The following ABCC1 variants were observed in gnomAD, a reference collection of about 807,000 sequenced individuals.
The protein encoded by ABCC1 is multidrug resistance-associated protein 1.
In ABCC1, 83 loss-of-function variants were observed where a neutral mutation model predicts 172.9. That is an observed-to-expected ratio of 0.48 (90% CI 0.40 to 0.58). The LOEUF is 0.58. Among genes scored for constraint, ABCC1 ranks in the 20% least tolerant of loss-of-function variants. ABCC1 has a pLI of 0.00. For missense variants in ABCC1, 1,817 were observed against 2,002.7 expected (o/e 0.91, Z 1.77); for synonymous variants, 937 against 825.2 (o/e 1.14, Z -2.32).
chr16:16,103,586 C>T (rs1425745552), intron 20 of ABCC1, among the ~76,000 whole-genome samples: 1 of 151,878 alleles, frequency 6.6e-6, no homozygotes, highest in Non-Finnish European at 1.5e-5. Flanking sequence ...TCTCAAAAAA[C>T]AAAAACAAAA....
At chr16:16,004,624 A>G (rs1597101491) in intron 1 of ABCC1, among the ~76,000 whole-genome samples, 1 of 148,662 alleles carries the variant, frequency 6.7e-6, no homozygotes, top group Non-Finnish European at 1.5e-5. Flanking sequence ...TCCTGGCTAA[A>G]TCTCTTTGTA....
At chr16:16,112,004 C>G (rs1334024152) in intron 22 of ABCC1, among the ~76,000 whole-genome samples, 4 of 152,070 alleles carry the variant, frequency 2.6e-5, no homozygotes, top group African/African-American at 9.7e-5. Context: ...CAGTGTTGTC[C>G]CTCAGGGATG....
In ABCC1 at chr16:16,015,734, C is replaced by G. The variant is rs114644548; in HGVS notation, c.490-762C>G. Among the ~76,000 whole-genome samples the G allele has an allele frequency of 5.8e-3, 886 of 152,276 alleles. 9 individuals are homozygous for G. Among genetic ancestry groups the G allele is most frequent in the African/African-American group, 0.02 (841 of 41,556 alleles). ...AGACTCGTTGGTTGTAGGGGCTGTC[C>G]TGTGCTTTGTAGACATTTAGGGGTG... On this transcript the variant is annotated intron_variant, in intron 4 of 30. Coordinates refer to ENST00000399410, the MANE Select transcript of ABCC1 (RefSeq NM_004996.4).
chr16:16,123,640 A>AAG (rs1284206452), intron 24 of ABCC1, among the ~76,000 whole-genome samples: 1 of 148,152 alleles, frequency 6.7e-6, no homozygotes, highest in East Asian at 1.9e-4. Flanking sequence ...GAAATAATAG[A>AAG]AGAGAAGAGA....
chr16:16,131,586 G>A (rs1326774911), intron 26 of ABCC1, among the ~76,000 whole-genome samples: 2 of 151,936 alleles, frequency 1.3e-5, no homozygotes, highest in African/African-American at 2.4e-5. Context: ...ACAGGGCTGA[G>A]AGGGTGCTCT....
chr16:16,068,269 C>T lies in ABCC1; in HGVS notation c.1791C>T (p.Asn597=). 1 of 1,614,162 alleles carries T rather than the reference C, an allele frequency of 6.2e-7. No individual in the cohort carries two copies. The highest frequency in any genetic ancestry group is 8.5e-7 in the Non-Finnish European group (1 of 1,180,038). Reference sequence around the variant, plus strand: ...TCAACATCCTCCGGTTTCCCCTGAACATTCTCCCCATGGTCATCAGCAGCA... The same window carrying T: ...TCAACATCCTCCGGTTTCCCCTGAATATTCTCCCCATGGTCATCAGCAGCA... ...ALFNILRFPL[N]ILPMVISSIV... is the part of the protein sequence containing the mutation. Residue 597 remains asparagine, a synonymous_variant, in exon 13 of 31, where the codon AAC becomes AAT. Coordinates refer to ENST00000399410, the MANE Select transcript of ABCC1 (RefSeq NM_004996.4).
At chr16:16,127,724 G>C (rs2045496201) in intron 26 of ABCC1, among the ~76,000 whole-genome samples, 1 of 152,078 alleles carries the variant, frequency 6.6e-6, no homozygotes, top group African/African-American at 2.4e-5. Context: ...TGTAAGGTCT[G>C]TCCTCCTGAG....
At chr16:16,037,914 G>C (rs996980081) in intron 7 of ABCC1, among the ~76,000 whole-genome samples, 1 of 152,210 alleles carries the variant, frequency 6.6e-6, no homozygotes, top group African/African-American at 2.4e-5. Flanking sequence ...GTGGGAGGCA[G>C]ATAGAGCTTG....
intron 11 of ABCC1, among the ~76,000 whole-genome samples, chr16:16,053,431 T>G (rs1216938233): frequency 6.6e-6 from 1 of 152,078 alleles, no homozygotes; most frequent in African/African-American, 2.4e-5. Context: ...CAGCTTTTTA[T>G]TTTTGGAGAT....
intron 19 of ABCC1, among the ~76,000 whole-genome samples, chr16:16,101,346 T>TTTATAAA (rs1354684407): frequency 6.6e-6 from 1 of 152,134 alleles, no homozygotes; most frequent in Non-Finnish European, 1.5e-5. Flanking sequence ...CACCTGCTCA[T>TTTATAAA]TTATAAAGCC....
chr16:16,128,772 G>A (rs2045552511), intron 26 of ABCC1, among the ~76,000 whole-genome samples: 1 of 152,080 alleles, frequency 6.6e-6, no homozygotes, highest in South Asian at 2.1e-4. Context: ...GCCAAGGTGG[G>A]TGGATCACTT....
At chr16:16,094,213 G>T in intron 19 of ABCC1, 2 of 275,330 alleles carry the variant, frequency 7.3e-6, no homozygotes, top group South Asian at 8.3e-5. Flanking sequence ...TAGGTCCGGC[G>T]ACGCAACTTA....
At chr16:16,127,865 C>T (rs1394376769) in intron 26 of ABCC1, among the ~76,000 whole-genome samples, 7 of 150,452 alleles carry the variant, frequency 4.7e-5, no homozygotes, top group South Asian at 2.1e-4. Flanking sequence ...ATTACACCGG[C>T]GGCTTCCAAC....
intron 25 of ABCC1, 135 bp downstream of exon 25, chr16:16,125,050 A>T: frequency 8.1e-7 from 1 of 1,228,506 alleles, no homozygotes; most frequent in Non-Finnish European, 1.1e-6. Context: ...GAGCAGGTAC[A>T]GTGCCACAGT....
At position 16,076,311 on chromosome 16, in the gene ABCC1, C is replaced by T; in HGVS notation, c.1913-15C>T. On this transcript the variant is annotated splice_polypyrimidine_tract_variant and intron_variant, in intron 14 of 30. Coordinates refer to ENST00000399410, the MANE Select transcript of ABCC1 (RefSeq NM_004996.4). The stretch of plus-strand genomic sequence containing the variant: ...ACAGCTCAGCCTGTCCCTGACATGT[C>T]TCTGTGCTTTGTAGGCGGGGGCACG... The T allele has an allele frequency of 6.2e-7, 1 of 1,612,502 alleles. No homozygotes were observed. The highest frequency in any genetic ancestry group is 8.5e-7 in the Non-Finnish European group (1 of 1,179,306).
intron 26 of ABCC1, among the ~76,000 whole-genome samples, chr16:16,127,750 A>T (rs2045497360): frequency 6.6e-6 from 1 of 152,026 alleles, no homozygotes; most frequent in Admixed American, 6.6e-5. Context: ...CACAGAGGTG[A>T]CCTCGGCCCA....
intron 1 of ABCC1, among the ~76,000 whole-genome samples, chr16:15,981,871 A>G (rs893383371): frequency 1.3e-5 from 2 of 151,986 alleles, no homozygotes; most frequent in Non-Finnish European, 2.9e-5. Context: ...TTCCTCTTAA[A>G]CACTTTGTTG....
chr16:16,096,083 A>C (rs935179205), intron 19 of ABCC1, among the ~76,000 whole-genome samples: 3 of 152,152 alleles, frequency 2.0e-5, no homozygotes, highest in Non-Finnish European at 4.4e-5. Flanking sequence ...CCTCGCCAAC[A>C]TGGTGAAACC....
At chr16:16,127,254 C>T (rs1489577813) in intron 26 of ABCC1, among the ~76,000 whole-genome samples, 1 of 152,000 alleles carries the variant, frequency 6.6e-6, no homozygotes, top group Admixed American at 6.5e-5. Context: ...CACGGTCTCA[C>T]TCTTGCCCGG....
Sources: gnomAD v4.1 joint callset for allele counts (sites outside exome capture counted in the v4.1 genomes callset) on GRCh38, gnomAD v4.1.1 for gene constraint, MANE v1.5 for transcripts, NCBI Gene and HGNC (gene_info 2026-07-23, HGNC 2026-07-21) for gene names.